Variants in MICU3 observed in about 807,000 individuals in gnomAD.
MICU3 encodes the protein mitochondrial calcium uptake 3.
MICU3 carries 62 observed loss-of-function variants against 66.5 expected under a neutral mutation model. The observed-to-expected ratio is 0.93, with a 90% CI of 0.76 to 1.15. The LOEUF (loss-of-function observed/expected upper bound fraction) is 1.15, where lower values mean the gene tolerates loss of function less well. MICU3 is among the 50% of genes most tolerant of loss of function. MICU3 has a pLI of 0.00. For missense variants in MICU3, 779 were observed against 664.4 expected, an observed-to-expected ratio of 1.17 and a Z score of -1.90; for synonymous variants, 308 against 240.7, an observed-to-expected ratio of 1.28 and a Z score of -2.59.
intron 11 of MICU3, among the ~76,000 whole-genome samples, chr8:17,111,079 A>G (rs1802166569): frequency 6.6e-6 from 1 of 151,778 alleles, no homozygotes; most frequent in African/African-American, 2.4e-5. Context: ...TGTAGTTTTG[A>G]TTTGTATTTC....
chr8:17,062,762 C>CT, intron 1 of MICU3, among the ~76,000 whole-genome samples: 1 of 151,968 alleles, frequency 6.6e-6, no homozygotes, highest in Admixed American at 6.6e-5. Flanking sequence ...AGTTTCACTC[C>CT]TAAGGATTAA....
At chr8:17,052,912 A>G (rs1270081242) in intron 1 of MICU3, among the ~76,000 whole-genome samples, 1 of 152,200 alleles carries the variant, frequency 6.6e-6, no homozygotes, top group Non-Finnish European at 1.5e-5. Flanking sequence ...CCCAGATAAT[A>G]TAGTGTAGAA....
At chr8:17,100,446 T>TAA (rs1194285946) in intron 9 of MICU3, among the ~76,000 whole-genome samples, 4 of 151,790 alleles carry the variant, frequency 2.6e-5, no homozygotes, top group Non-Finnish European at 5.9e-5. Context: ...ATTAGAATAA[T>TAA]AATTGAGAAT....
chr8:17,055,033 A>C (rs1816707124), intron 1 of MICU3, among the ~76,000 whole-genome samples: 2 of 152,112 alleles, frequency 1.3e-5, no homozygotes, highest in South Asian at 4.1e-4. Context: ...CACCGTGCCC[A>C]GCCCCAAACG....
chr8:17,047,426 A>G (rs1282769330), intron 1 of MICU3, among the ~76,000 whole-genome samples: 1 of 152,222 alleles, frequency 6.6e-6, no homozygotes, highest in East Asian at 1.9e-4. Context: ...AGGAGGAGAG[A>G]GAATGAGAAA....
downstream of MICU3, among the ~76,000 whole-genome samples, chr8:17,125,189 A>C (rs1373350360): frequency 6.6e-6 from 1 of 151,182 alleles, no homozygotes; most frequent in East Asian, 2.0e-4. Context: ...TTGTCTTTTT[A>C]TTGTACCTTT....
intron 4 of MICU3, among the ~76,000 whole-genome samples, chr8:17,078,157 A>G (rs1379017816): frequency 1.3e-5 from 2 of 152,046 alleles, no homozygotes. Flanking sequence ...TTCTTCAACC[A>G]TATCAAAAAG....
chr8:17,049,022 G>C (rs527384560), intron 1 of MICU3, among the ~76,000 whole-genome samples: 5 of 152,120 alleles, frequency 3.3e-5, no homozygotes, highest in Admixed American at 1.3e-4. Context: ...TGTATTTCGG[G>C]GATGGATAAC....
chr8:17,028,996 G>C (rs145828722), intron 1 of MICU3, among the ~76,000 whole-genome samples: 2 of 152,090 alleles, frequency 1.3e-5, no homozygotes, highest in African/African-American at 2.4e-5. Context: ...AAAAGACCAC[G>C]TTCAGAAAGC....
chr8:17,036,446 T>C (rs1813006253), intron 1 of MICU3, among the ~76,000 whole-genome samples: 1 of 152,162 alleles, frequency 6.6e-6, no homozygotes, highest in South Asian at 2.1e-4. Flanking sequence ...TTCTCTTATC[T>C]GGCCCCATCC....
chr8:17,029,487 A>AG (rs1757924149), intron 1 of MICU3, among the ~76,000 whole-genome samples: 1 of 152,144 alleles, frequency 6.6e-6, no homozygotes, highest in Admixed American at 6.5e-5. Context: ...AAAAAAAAAA[A>AG]TTATTTTTTA....
Position 17,060,742 on chromosome 8 carries a change from CT to C in MICU3, c.382-3338del, listed in dbSNP as rs530022690. 8.5e-4 allele frequency among the ~76,000 whole-genome samples: 129 copies of C among 151,876 alleles called. 2 individuals carry two copies. Among genetic ancestry groups the C allele is most frequent in the Admixed American group, 8.2e-3 (125 of 15,268 alleles). ...AACCAGTTGGTGGTACTGGGAAGCC[CT>C]TTTAAGCACCAGGCCTCTGGTTATC... is the stretch of plus-strand genomic sequence containing the variant. On this transcript the variant is annotated intron_variant, in intron 1 of 14. Transcript: ENST00000318063.
chr8:17,032,089 C>T (rs1812180509), intron 1 of MICU3, among the ~76,000 whole-genome samples: 1 of 152,168 alleles, frequency 6.6e-6, no homozygotes, highest in African/African-American at 2.4e-5. Context: ...ATGGAACATA[C>T]ACTGAGAAAT....
rs562310517 is a variant in MICU3 at position 17,094,157 on chromosome 8, T to C, written c.888+3573T>C. ...ACTTTATGTAACTGGCATCATGTTATATGAATGTTTCTGTCTCGTTTCTTG... is the reference window on the plus strand; with the variant it reads ...ACTTTATGTAACTGGCATCATGTTACATGAATGTTTCTGTCTCGTTTCTTG... On this transcript the variant is annotated intron_variant, in intron 8 of 14. Coordinates refer to ENST00000318063, the MANE Select transcript of MICU3 (RefSeq NM_181723.3). Among the ~76,000 whole-genome samples, 4 of 152,140 alleles carry C rather than the reference T, an allele frequency of 2.6e-5. No individual in the cohort carries two copies. In the South Asian group the frequency reaches 8.3e-4, roughly 32 times the overall value.
At chr8:17,069,769 T>G in intron 3 of MICU3, 50 bp downstream of exon 3, 1 of 569,164 alleles carries the variant, frequency 1.8e-6, no homozygotes, top group Non-Finnish European at 2.8e-6. Context: ...TGTGCATGCA[T>G]ATATACATAT....
chr8:17,103,173 A>G (rs776492180), intron 9 of MICU3, among the ~76,000 whole-genome samples: 3 of 151,832 alleles, frequency 2.0e-5, no homozygotes, highest in Admixed American at 6.6e-5. Context: ...TTAAAAGAGA[A>G]GAAGATGTGG....
chr8:17,083,999 C>T (rs1014286627), intron 5 of MICU3, among the ~76,000 whole-genome samples: 5 of 152,002 alleles, frequency 3.3e-5, no homozygotes, highest in African/African-American at 9.7e-5. Flanking sequence ...AGGTTAGGAT[C>T]TTTGGGTGCT....
chr8:17,092,793 A>G (rs1800214901), intron 8 of MICU3, among the ~76,000 whole-genome samples: 3 of 152,046 alleles, frequency 2.0e-5, no homozygotes, highest in Admixed American at 2.0e-4. Flanking sequence ...ATACAAATCT[A>G]TTAGTATGGT....
chr8:17,075,773 A>T (rs1193716204), intron 3 of MICU3, among the ~76,000 whole-genome samples: 1 of 152,120 alleles, frequency 6.6e-6, no homozygotes, highest in East Asian at 1.9e-4. Context: ...AGTCTCAGTA[A>T]AATATGCATA....
Sources: allele counts gnomAD v4.1 joint callset (sites outside exome capture counted in the v4.1 genomes callset), GRCh38; gene constraint gnomAD v4.1.1; transcripts MANE v1.5; gene names NCBI Gene and HGNC (gene_info 2026-07-23, HGNC 2026-07-21).